Variants in SLC36A1 observed in about 807,000 individuals in gnomAD.
SLC36A1 encodes proton-coupled amino acid transporter 1.
A neutral mutation model predicts 47.5 loss-of-function variants in SLC36A1; 30 were observed. The ratio of observed to expected loss-of-function variants is 0.63; its 90% CI spans 0.47 to 0.86. SLC36A1 has a LOEUF of 0.86. SLC36A1 is among the 40% of genes least tolerant of loss of function. The pLI, the probability that SLC36A1 is intolerant of heterozygous loss-of-function variation, is 0.00. For synonymous variants in SLC36A1, 255 were observed against 249.7 expected (o/e 1.02, Z -0.20); for missense variants, 517 against 606.0 (o/e 0.85, Z 1.54).
chr5:151,463,567 T>C lies in SLC36A1; in HGVS notation c.158T>C (p.Leu53Ser). ...QSNSTTWFQTLIHLLKGNIGT... is the reference protein window; with the variant it reads ...QSNSTTWFQTSIHLLKGNIGT... ...TTCCACTTCAGATGGTTCCAGACCTTGATCCACCTGTTAAAAGGCAACATT... is the reference window on the plus strand; with the variant it reads ...TTCCACTTCAGATGGTTCCAGACCTCGATCCACCTGTTAAAAGGCAACATT... Residue 53 changes from leucine (L) to serine (S), a missense_variant, in exon 3 of 11, where the codon TTG becomes TCG. Coordinates refer to ENST00000243389, the MANE Select transcript of SLC36A1 (RefSeq NM_078483.4). 1 of 1,613,970 alleles carries C rather than the reference T, an allele frequency of 6.2e-7. No homozygotes were observed. Among genetic ancestry groups the C allele is most frequent in the East Asian group, 2.2e-5 (1 of 44,888 alleles).
chr5:151,507,596 C>A, the SLC36A1 span: 1 of 1,600,794 alleles, frequency 6.2e-7, no homozygotes, highest in Non-Finnish European at 8.5e-7. Context: ...AACAACCCCT[C>A]GCCTCCATTT....
chr5:151,456,006 T>C (rs1754439905), intron 1 of SLC36A1, among the ~76,000 whole-genome samples: 1 of 152,208 alleles, frequency 6.6e-6, no homozygotes, highest in Non-Finnish European at 1.5e-5. Flanking sequence ...ATTATTTAAC[T>C]CAAGGGGGGA....
chr5:151,383,783 G>T, the SLC36A1 span, among the ~76,000 whole-genome samples: 1 of 152,174 alleles, frequency 6.6e-6, no homozygotes, highest in African/African-American at 2.4e-5. Flanking sequence ...ATGTTGGCCA[G>T]GCTGGTCTCA....
the SLC36A1 span, among the ~76,000 whole-genome samples, chr5:151,499,462 C>T: frequency 2.1e-3 from 317 of 152,362 alleles, 4 homozygotes; most frequent in African/African-American, 7.4e-3. Context: ...CGCGTCACTC[C>T]ATGCCTTAAA....
the SLC36A1 span, among the ~76,000 whole-genome samples, chr5:151,535,841 C>T: frequency 3.3e-5 from 5 of 152,022 alleles, no homozygotes; most frequent in Non-Finnish European, 4.4e-5. Context: ...GAGGGGTCTC[C>T]GCTGCTTGTT....
the SLC36A1 span, among the ~76,000 whole-genome samples, chr5:151,358,769 C>A: frequency 6.6e-6 from 1 of 151,312 alleles, no homozygotes; most frequent in African/African-American, 2.4e-5. Context: ...GTCAGGAGAT[C>A]GAGACCATCC....
chr5:151,414,770 T>G, the SLC36A1 span: 5 of 152,194 alleles, frequency 3.3e-5, no homozygotes, highest in African/African-American at 1.2e-4. Context: ...ACAATGTCCC[T>G]GGGCATTGGG....
At chr5:151,379,289 G>T in the SLC36A1 span, among the ~76,000 whole-genome samples, 1 of 152,162 alleles carries the variant, frequency 6.6e-6, no homozygotes. Flanking sequence ...CCAAGTAGGC[G>T]ATGTTTTTTT....
At position 151,458,792 on chromosome 5, in the gene SLC36A1, C is replaced by G; in HGVS notation, c.-1C>G. Reference sequence around the variant, plus strand: ...ATGCTGGCCCTGTCCCCCCAGCTGCCATGTCCACGCAGAGACTTCGGAATG... The same window carrying G: ...ATGCTGGCCCTGTCCCCCCAGCTGCGATGTCCACGCAGAGACTTCGGAATG... On this transcript the variant is annotated 5_prime_UTR_variant, in exon 2 of 11. Transcript: ENST00000243389. 1 of 1,613,606 alleles carries G rather than the reference C, an allele frequency of 6.2e-7. No individual in the cohort carries two copies. Among genetic ancestry groups the G allele is most frequent in the Non-Finnish European group, 8.5e-7 (1 of 1,179,634 alleles).
chr5:151,374,026 GATGAAT>G, the SLC36A1 span, among the ~76,000 whole-genome samples: 3 of 152,310 alleles, frequency 2.0e-5, no homozygotes, highest in African/African-American at 2.4e-5. Flanking sequence ...AACTTGAAGG[GATGAAT>G]AACACCTTCC....
the SLC36A1 span, among the ~76,000 whole-genome samples, chr5:151,360,431 G>A: frequency 9.0e-3 from 1,370 of 152,228 alleles, 13 homozygotes; most frequent in Admixed American, 0.013. Context: ...AAATGGAGTT[G>A]GGTCATCATG....
chr5:151,372,899 C>T, the SLC36A1 span, among the ~76,000 whole-genome samples: 2 of 151,974 alleles, frequency 1.3e-5, no homozygotes, highest in African/African-American at 2.4e-5. Flanking sequence ...CAATGTCAAA[C>T]TGTTTAACAT....
Position 151,490,245 on chromosome 5 carries a change from CCT to C in SLC36A1, c.*1992_*1993del, listed in dbSNP as rs1299999834. The stretch of plus-strand genomic sequence containing the variant: ...GAATCTAGCCGGGAGTAGCAGAGGC[CCT>C]GTCTTCTGAAGTCTCAGGCTTAGAA... On this transcript the variant is annotated 3_prime_UTR_variant, in exon 11 of 11. Transcript: ENST00000243389. 1.3e-5 allele frequency: 2 copies of C among 152,208 alleles called. No homozygotes were observed. Among genetic ancestry groups the C allele is most frequent in the Non-Finnish European group, 2.9e-5 (2 of 68,036 alleles). 9.4% of individuals were successfully genotyped at this position (152,208 alleles called of 1,614,324 possible).
At chr5:151,412,894 A>C in the SLC36A1 span, 1,210 of 144,148 alleles carry the variant, frequency 8.4e-3, 164 homozygotes, top group Non-Finnish European at 0.011. Flanking sequence ...TTGTCTCCCA[A>C]AATTCCCTTC....
At chr5:151,367,955 C>T in the SLC36A1 span, among the ~76,000 whole-genome samples, 5 of 152,282 alleles carry the variant, frequency 3.3e-5, no homozygotes, top group East Asian at 9.6e-4. Context: ...AACATGTGTC[C>T]TTTCTAAAAA....
the SLC36A1 span, chr5:151,553,311 CG>C: frequency 6.2e-7 from 1 of 1,614,124 alleles, no homozygotes; most frequent in Non-Finnish European, 8.5e-7. Context: ...GGAGGACGGC[CG>C]GGGCCAAGGG....
the SLC36A1 span, among the ~76,000 whole-genome samples, chr5:151,546,940 G>A: frequency 6.6e-6 from 1 of 152,060 alleles, no homozygotes; most frequent in African/African-American, 2.4e-5. Flanking sequence ...CAAGGCTCCT[G>A]AGCAAATATC....
the SLC36A1 span, among the ~76,000 whole-genome samples, chr5:151,346,666 A>G: frequency 6.6e-6 from 1 of 152,298 alleles, no homozygotes; most frequent in South Asian, 2.1e-4. Context: ...TGGTGGGGTC[A>G]GATGTGGGGA....
At chr5:151,501,984 T>C in the SLC36A1 span, among the ~76,000 whole-genome samples, 1 of 148,522 alleles carries the variant, frequency 6.7e-6, no homozygotes, top group African/African-American at 2.6e-5. Flanking sequence ...GAGGGCATTC[T>C]GTATAAAAGA....
Sources: gnomAD v4.1 joint callset for allele counts (sites outside exome capture counted in the v4.1 genomes callset) on GRCh38, gnomAD v4.1.1 for gene constraint, MANE v1.5 for transcripts, NCBI Gene and HGNC (gene_info 2026-07-23, HGNC 2026-07-21) for gene names.